L3MBTL4: variants seen among roughly 807,000 people sequenced by gnomAD.
L3MBTL4 encodes the protein lethal(3)malignant brain tumor-like protein 4.
A neutral mutation model predicts 84.5 loss-of-function variants in L3MBTL4; 70 were observed. The observed-to-expected ratio is 0.83, with a 90% CI of 0.68 to 1.01. The LOEUF is 1.01. Ranked by LOEUF, L3MBTL4 falls within the 50% of genes least tolerant of loss-of-function variation. The pLI, the probability that L3MBTL4 is intolerant of heterozygous loss-of-function variation, is 0.00. For synonymous variants in L3MBTL4, 274 were observed against 259.8 expected (o/e 1.05, Z -0.52); for missense variants, 715 against 754.8 (o/e 0.95, Z 0.62).
intron 15 of L3MBTL4, among the ~76,000 whole-genome samples, chr18:6,083,935 G>C (rs533995586): frequency 1.1e-3 from 172 of 152,262 alleles, no homozygotes; most frequent in Non-Finnish European, 1.7e-3. Context: ...GAAAGGGCCT[G>C]CATCCTCTCT....
intron 1 of L3MBTL4, among the ~76,000 whole-genome samples, chr18:6,361,020 T>TAA (rs34239414): frequency 0.012 from 1,308 of 110,010 alleles, 22 homozygotes; most frequent in African/African-American, 0.039. Flanking sequence ...TCTACCTGAT[T>TAA]AAAAAAAAAA....
At chr18:5,971,257 T>A (rs2052628405) in intron 16 of L3MBTL4, among the ~76,000 whole-genome samples, 1 of 151,960 alleles carries the variant, frequency 6.6e-6, no homozygotes, top group African/African-American at 2.4e-5. Flanking sequence ...AAACCCGGAG[T>A]GGGAAAGTCA....
chr18:5,966,038 A>G (rs754820020), intron 17 of L3MBTL4, among the ~76,000 whole-genome samples: 5 of 152,126 alleles, frequency 3.3e-5, no homozygotes, highest in Admixed American at 2.0e-4. Flanking sequence ...ACAGAGAACT[A>G]AAGACCGGGG....
intron 16 of L3MBTL4, among the ~76,000 whole-genome samples, chr18:5,983,769 A>G (rs982416556): frequency 1.3e-5 from 2 of 152,168 alleles, no homozygotes; most frequent in Non-Finnish European, 2.9e-5. Context: ...CTTCCCAAAT[A>G]GCCCAGGACT....
chr18:6,086,386 T>C (rs543412571), intron 15 of L3MBTL4, among the ~76,000 whole-genome samples: 4 of 152,236 alleles, frequency 2.6e-5, no homozygotes, highest in Non-Finnish European at 5.9e-5. Context: ...GAATAAATTT[T>C]AAAATTCTTT....
At chr18:6,039,136 C>A (rs908219047) in intron 16 of L3MBTL4, among the ~76,000 whole-genome samples, 1 of 152,002 alleles carries the variant, frequency 6.6e-6, no homozygotes, top group African/African-American at 2.4e-5. Flanking sequence ...AGAGAAGAGG[C>A]CCCAGAATCA....
At chr18:6,141,230 GTT>G in intron 13 of L3MBTL4, among the ~76,000 whole-genome samples, 1 of 152,044 alleles carries the variant, frequency 6.6e-6, no homozygotes, top group Non-Finnish European at 1.5e-5. Context: ...CACTCTGACA[GTT>G]TTCCTTCTGC....
At chr18:6,339,098 C>T (rs758573168) in intron 1 of L3MBTL4, among the ~76,000 whole-genome samples, 13 of 152,088 alleles carry the variant, frequency 8.5e-5, no homozygotes, top group East Asian at 3.9e-4. Flanking sequence ...CAACCAGATC[C>T]GCCCCTTCCG....
chr18:6,096,811 T>C (rs2058659219), intron 14 of L3MBTL4, among the ~76,000 whole-genome samples: 1 of 152,216 alleles, frequency 6.6e-6, no homozygotes, highest in Admixed American at 6.5e-5. Context: ...TGACTTAAAG[T>C]TCTGTTGGTC....
At chr18:6,299,135 A>G (rs1370979175) in intron 4 of L3MBTL4, among the ~76,000 whole-genome samples, 1 of 152,230 alleles carries the variant, frequency 6.6e-6, no homozygotes, top group Non-Finnish European at 1.5e-5. Context: ...ACTTACTGAA[A>G]CAAGCCTTCT....
At position 6,070,009 on chromosome 18, in the gene L3MBTL4, C is replaced by T. The variant is rs2057532122; in HGVS notation, c.1444+10872G>A. The stretch of plus-strand genomic sequence containing the variant: ...GAAAATAGGCCACTAGAAAAATATC[C>T]AGGCTGAAGCATGTACTAAAAACGG... On this transcript the variant is annotated intron_variant, in intron 16 of 18. Coordinates refer to ENST00000317931, the MANE Select transcript of L3MBTL4 (RefSeq NM_001330559.2). 6.6e-5 allele frequency among the ~76,000 whole-genome samples: 10 copies of T among 151,944 alleles called. 1 individual carries two copies. In the South Asian group the frequency reaches 2.1e-3, roughly 32 times the overall value.
At chr18:6,356,256 C>T (rs1425983317) in intron 1 of L3MBTL4, among the ~76,000 whole-genome samples, 2 of 152,134 alleles carry the variant, frequency 1.3e-5, no homozygotes, top group Non-Finnish European at 2.9e-5. Flanking sequence ...GAGAGGACAC[C>T]GCTCCCACTC....
intron 4 of L3MBTL4, among the ~76,000 whole-genome samples, chr18:6,267,628 C>T (rs1478838445): frequency 6.6e-6 from 1 of 152,192 alleles, no homozygotes; most frequent in African/African-American, 2.4e-5. Flanking sequence ...CAGCTGTGTT[C>T]TTTAAAAGAT....
intron 14 of L3MBTL4, among the ~76,000 whole-genome samples, chr18:6,134,251 C>A (rs1031751178): frequency 1.3e-5 from 2 of 152,134 alleles, no homozygotes; most frequent in African/African-American, 4.8e-5. Flanking sequence ...CCCCCTGGGT[C>A]CTTCCCACAA....
chr18:6,223,250 G>C (rs2046636219), intron 10 of L3MBTL4, among the ~76,000 whole-genome samples: 1 of 151,992 alleles, frequency 6.6e-6, no homozygotes, highest in Non-Finnish European at 1.5e-5. Context: ...TCAATTTCCA[G>C]TTTAAAAATG....
intron 16 of L3MBTL4, among the ~76,000 whole-genome samples, chr18:6,061,283 A>C (rs1205893245): frequency 6.6e-6 from 1 of 152,026 alleles, no homozygotes; most frequent in Non-Finnish European, 1.5e-5. Flanking sequence ...CTTATTTATC[A>C]TTTGTGTCTG....
intron 5 of L3MBTL4, 107 bp downstream of exon 5, chr18:6,263,840 C>A (rs1274728824): frequency 4.9e-6 from 4 of 813,566 alleles, no homozygotes; most frequent in Non-Finnish European, 8.5e-6. Context: ...GCAGAGCCTA[C>A]AAATAATTCA....
chr18:6,305,195 A>G (rs759332737), intron 3 of L3MBTL4, among the ~76,000 whole-genome samples: 13 of 152,234 alleles, frequency 8.5e-5, no homozygotes, highest in Non-Finnish European at 1.9e-4. Context: ...TGCAAATGGA[A>G]AAGTATTTAG....
chr18:6,174,006 A>C (rs1219674354), intron 12 of L3MBTL4, among the ~76,000 whole-genome samples: 1 of 152,110 alleles, frequency 6.6e-6, no homozygotes, highest in Non-Finnish European at 1.5e-5. Context: ...GAGACACCAC[A>C]AAGTTCACAT....
Sources: allele counts gnomAD v4.1 joint callset (sites outside exome capture counted in the v4.1 genomes callset), GRCh38; gene constraint gnomAD v4.1.1; transcripts MANE v1.5; gene names NCBI Gene and HGNC (gene_info 2026-07-23, HGNC 2026-07-21).